ERC2: variants seen among roughly 807,000 people sequenced by gnomAD.
ERC2 encodes ERC protein 2.
ERC2 carries 42 observed loss-of-function variants against 114.8 expected under a neutral mutation model. The ratio of observed to expected loss-of-function variants is 0.37; its 90% CI spans 0.29 to 0.47. The LOEUF (loss-of-function observed/expected upper bound fraction) is 0.47, where lower values mean the gene tolerates loss of function less well. ERC2 is among the 20% of genes least tolerant of loss of function. The probability of loss-of-function intolerance (pLI) is 0.99; values close to 1 mark genes in which losing one functional copy is unlikely to be tolerated. For synonymous variants in ERC2, 454 were observed against 425.5 expected, an observed-to-expected ratio of 1.07 and a Z score of -0.82; for missense variants, 939 against 1,150.7, an observed-to-expected ratio of 0.82 and a Z score of 2.66.
chr3:56,160,136 T>G (rs2149986298), intron 4 of ERC2, among the ~76,000 whole-genome samples: 1 of 152,324 alleles, frequency 6.6e-6, no homozygotes, highest in African/African-American at 2.4e-5. Context: ...GCGTTTCCAT[T>G]TCTCCACAAC....
intron 3 of ERC2, among the ~76,000 whole-genome samples, chr3:56,237,892 T>C (rs78545041): frequency 4.7e-4 from 1 of 2,122 alleles, no homozygotes; most frequent in African/African-American, 6.1e-4. Flanking sequence ...TATTTTTTCC[T>C]TTTTTTTTTT....
chr3:55,916,546 ACCTCC>A, intron 13 of ERC2, among the ~76,000 whole-genome samples: 2 of 152,128 alleles, frequency 1.3e-5, no homozygotes, highest in Admixed American at 1.3e-4. Context: ...CACCGACTAC[ACCTCC>A]CACTCATCCA....
intron 14 of ERC2, among the ~76,000 whole-genome samples, chr3:55,805,588 C>T (rs2059455819): frequency 6.6e-6 from 1 of 151,834 alleles, no homozygotes; most frequent in South Asian, 2.1e-4. Flanking sequence ...CTTGGCATTG[C>T]ATTTCACAGG....
intron 17 of ERC2, among the ~76,000 whole-genome samples, chr3:55,547,471 G>A (rs1044903972): frequency 2.0e-5 from 3 of 152,296 alleles, no homozygotes; most frequent in South Asian, 2.1e-4. Flanking sequence ...TTTCCGGTGC[G>A]CCTCCATCAA....
intron 2 of ERC2, among the ~76,000 whole-genome samples, chr3:56,398,104 A>G (rs2060381431): frequency 6.6e-6 from 1 of 152,210 alleles, no homozygotes; most frequent in South Asian, 2.1e-4. Context: ...TTGAGTTTAT[A>G]TATGTTGCTA....
chr3:55,569,854 C>T (rs1446134104), intron 17 of ERC2, among the ~76,000 whole-genome samples: 1 of 146,718 alleles, frequency 6.8e-6, no homozygotes. Context: ...GAGATGACTT[C>T]ATTTCTATTT....
chr3:56,454,887 A>C (rs1274087981), intron 1 of ERC2, among the ~76,000 whole-genome samples: 1 of 151,820 alleles, frequency 6.6e-6, no homozygotes, highest in Non-Finnish European at 1.5e-5. Context: ...AAAGGAAATG[A>C]AATTCTGATA....
chr3:55,875,977 G>A (rs554482601), intron 14 of ERC2, among the ~76,000 whole-genome samples: 58 of 152,226 alleles, frequency 3.8e-4, no homozygotes, highest in African/African-American at 1.4e-3. Context: ...GACATGGAGT[G>A]GAAGAGAAGA....
In ERC2 at chr3:55,691,253, T is replaced by TA. The variant is rs199697240; in HGVS notation, c.2848-7395dup. Among the ~76,000 whole-genome samples, 25 of 152,204 alleles carry TA rather than the reference T, an allele frequency of 1.6e-4. 1 individual carries two copies. In the East Asian group the frequency reaches 4.6e-3, roughly 28 times the overall value. On this transcript the variant is annotated intron_variant, in intron 16 of 17. Transcript: ENST00000288221. The stretch of plus-strand genomic sequence containing the variant: ...GATATCTTTCTATTTCTTAACCTGC[T>TA]AAACACAGTATCCTCCAATCTACTT...
chr3:55,514,208 G>A (rs929944737), intron 17 of ERC2, among the ~76,000 whole-genome samples: 1 of 152,084 alleles, frequency 6.6e-6, no homozygotes, highest in Non-Finnish European at 1.5e-5. Flanking sequence ...ACCAACCTGG[G>A]CAACATGGCA....
At chr3:55,601,490 T>C (rs182907015) in intron 17 of ERC2, among the ~76,000 whole-genome samples, 99 of 152,348 alleles carry the variant, frequency 6.5e-4, no homozygotes, top group Non-Finnish European at 1.3e-3. Context: ...AGCTGCTCCC[T>C]GTCATTTCAC....
intron 17 of ERC2, among the ~76,000 whole-genome samples, chr3:55,543,274 G>C (rs2054521251): frequency 6.6e-6 from 1 of 152,232 alleles, no homozygotes; most frequent in African/African-American, 2.4e-5. Context: ...CTTGGAGGGA[G>C]AGCTACAGGG....
chr3:55,596,245 T>C (rs1177569264), intron 17 of ERC2, among the ~76,000 whole-genome samples: 1 of 152,138 alleles, frequency 6.6e-6, no homozygotes, highest in Admixed American at 6.5e-5. Context: ...TAGGTCCAAA[T>C]AGATTAGTTA....
intron 13 of ERC2, among the ~76,000 whole-genome samples, chr3:55,936,425 C>T (rs1456768502): frequency 6.6e-6 from 1 of 152,110 alleles, no homozygotes. Flanking sequence ...ATGGGAAAGA[C>T]AGATAAGTAT....
At chr3:56,320,756 G>A (rs1327777527) in intron 2 of ERC2, among the ~76,000 whole-genome samples, 1 of 152,206 alleles carries the variant, frequency 6.6e-6, no homozygotes, top group Non-Finnish European at 1.5e-5. Flanking sequence ...AAGTACTTAT[G>A]CATAAAACAA....
intron 17 of ERC2, among the ~76,000 whole-genome samples, chr3:55,563,595 C>T (rs2107491025): frequency 1.3e-5 from 2 of 152,332 alleles, no homozygotes; most frequent in South Asian, 2.1e-4. Context: ...GAGACAGAGA[C>T]AGTGACAGAG....
At chr3:55,991,063 C>T (rs1407403558) in intron 11 of ERC2, among the ~76,000 whole-genome samples, 1 of 152,188 alleles carries the variant, frequency 6.6e-6, no homozygotes, top group Non-Finnish European at 1.5e-5. Flanking sequence ...CCACTGCACT[C>T]CAGCCTGCAC....
At chr3:56,108,520 T>C (rs1327682304) in intron 6 of ERC2, among the ~76,000 whole-genome samples, 1 of 152,124 alleles carries the variant, frequency 6.6e-6, no homozygotes, top group African/African-American at 2.4e-5. Context: ...CTATTTCTTA[T>C]ACATATTTCA....
intron 2 of ERC2, among the ~76,000 whole-genome samples, chr3:56,425,446 G>A (rs1423779488): frequency 6.6e-6 from 1 of 152,056 alleles, no homozygotes. Context: ...GCAATGGTGA[G>A]AGACAAAGTC....
Sources: gnomAD v4.1 joint callset for allele counts (sites outside exome capture counted in the v4.1 genomes callset) on GRCh38, gnomAD v4.1.1 for gene constraint, MANE v1.5 for transcripts, NCBI Gene and HGNC (gene_info 2026-07-23, HGNC 2026-07-21) for gene names.